The following CENPW variants were observed in gnomAD, a reference collection of about 807,000 sequenced individuals.
CENPW encodes the protein cancer-up-regulated gene 2 protein.
CENPW carries 3 observed loss-of-function variants against 11.1 expected under a neutral mutation model. The ratio of observed to expected loss-of-function variants is 0.27; its 90% CI spans 0.12 to 0.70. The LOEUF (loss-of-function observed/expected upper bound fraction) is 0.70. Ranked by LOEUF, CENPW falls within the 30% of genes least tolerant of loss-of-function variation. CENPW has a pLI of 0.77. For synonymous variants in CENPW, 38 were observed against 42.0 expected, an observed-to-expected ratio of 0.91 and a Z score of 0.37; for missense variants, 100 against 105.6, an observed-to-expected ratio of 0.95 and a Z score of 0.23.
At chr6:126,425,994 G>T in the CENPW span, among the ~76,000 whole-genome samples, 1 of 152,014 alleles carries the variant, frequency 6.6e-6, no homozygotes, top group African/African-American at 2.4e-5. Flanking sequence ...GTGCCACCCA[G>T]TTTCCTATAA....
chr6:126,381,280 C>T, the CENPW span, among the ~76,000 whole-genome samples: 1 of 152,166 alleles, frequency 6.6e-6, no homozygotes, highest in African/African-American at 2.4e-5. Context: ...GCATCTGAGT[C>T]ACTTCTGTTG....
the CENPW span, among the ~76,000 whole-genome samples, chr6:126,375,971 A>G: frequency 6.6e-6 from 1 of 152,168 alleles, no homozygotes; most frequent in African/African-American, 2.4e-5. Flanking sequence ...CCATCAACCT[A>G]GTTCTCATTA....
chr6:126,458,589 A>G, the CENPW span, among the ~76,000 whole-genome samples: 3 of 151,286 alleles, frequency 2.0e-5, no homozygotes, highest in Non-Finnish European at 4.4e-5. Flanking sequence ...TTGTGTACTG[A>G]GGAAGAAAAT....
the CENPW span, among the ~76,000 whole-genome samples, chr6:126,357,907 A>C: frequency 6.6e-6 from 1 of 152,086 alleles, no homozygotes; most frequent in African/African-American, 2.4e-5. Context: ...ACGCCTGGCC[A>C]GTTCTTCTTA....
the CENPW span, among the ~76,000 whole-genome samples, chr6:126,359,865 G>A: frequency 6.6e-6 from 1 of 151,584 alleles, no homozygotes; most frequent in African/African-American, 2.4e-5. Context: ...GCAGATAGTT[G>A]GGTCTTGTCA....
chr6:126,430,495 A>G, the CENPW span, among the ~76,000 whole-genome samples: 1 of 152,226 alleles, frequency 6.6e-6, no homozygotes, highest in Non-Finnish European at 1.5e-5. Context: ...TATACATTGA[A>G]CAAATGGAGC....
the CENPW span, among the ~76,000 whole-genome samples, chr6:126,386,538 C>T: frequency 2.2e-4 from 33 of 151,998 alleles, no homozygotes; most frequent in Admixed American, 1.2e-3. Flanking sequence ...ATGTACACTG[C>T]GCCTTCTGCC....
chr6:126,380,759 C>A, the CENPW span, among the ~76,000 whole-genome samples: 1 of 152,132 alleles, frequency 6.6e-6, no homozygotes, highest in African/African-American at 2.4e-5. Context: ...GACATGATAC[C>A]TGCATCATGA....
At chr6:126,433,121 C>A in the CENPW span, among the ~76,000 whole-genome samples, 77 of 152,188 alleles carry the variant, frequency 5.1e-4, no homozygotes, top group African/African-American at 1.7e-3. Flanking sequence ...CCATTGTCTT[C>A]AAAAATTTGT....
the CENPW span, among the ~76,000 whole-genome samples, chr6:126,416,423 G>T: frequency 2.6e-4 from 39 of 152,304 alleles, no homozygotes; most frequent in South Asian, 7.7e-3. Context: ...AGTCAAGCTG[G>T]CCGCAGAAAT....
chr6:126,358,224 C>A, the CENPW span, among the ~76,000 whole-genome samples: 1 of 152,134 alleles, frequency 6.6e-6, no homozygotes, highest in Non-Finnish European at 1.5e-5. Context: ...TTGCTCTGGT[C>A]AGGATTTCCA....
chr6:126,414,017 T>A, the CENPW span, among the ~76,000 whole-genome samples: 1 of 152,058 alleles, frequency 6.6e-6, no homozygotes, highest in Non-Finnish European at 1.5e-5. Flanking sequence ...CAAGAGTAGC[T>A]ACTATACTTA....
the CENPW span, among the ~76,000 whole-genome samples, chr6:126,464,659 C>T: frequency 6.6e-6 from 1 of 152,116 alleles, no homozygotes; most frequent in African/African-American, 2.4e-5. Flanking sequence ...GTCTCTTGGG[C>T]CTTTGGCCAC....
chr6:126,406,098 T>C, the CENPW span, among the ~76,000 whole-genome samples: 2 of 152,200 alleles, frequency 1.3e-5, no homozygotes, highest in African/African-American at 2.4e-5. Flanking sequence ...ATTTGTCATA[T>C]ACGTCCTTAA....
At chr6:126,376,058 G>T in the CENPW span, among the ~76,000 whole-genome samples, 1 of 152,072 alleles carries the variant, frequency 6.6e-6, no homozygotes. Context: ...TGACTTGCAC[G>T]TCCTGAAGAT....
At chr6:126,470,234 A>G in the CENPW span, among the ~76,000 whole-genome samples, 1 of 152,152 alleles carries the variant, frequency 6.6e-6, no homozygotes, top group Non-Finnish European at 1.5e-5. Context: ...GCAGCCTTGG[A>G]ACTTGGTGCC....
the CENPW span, among the ~76,000 whole-genome samples, chr6:126,387,450 A>C: frequency 6.6e-6 from 1 of 151,962 alleles, no homozygotes; most frequent in Non-Finnish European, 1.5e-5. Flanking sequence ...AAAAAGCCAT[A>C]GTAATATTTT....
rs759992998 is a variant in CENPW at position 126,340,451 on chromosome 6, G to A, written c.126+52G>A. 7.4e-6 allele frequency: 12 copies of A among 1,613,672 alleles called. No individual in the cohort carries two copies. The East Asian group carries it at 2.7e-4, about 36-fold the overall frequency. ...GGAATGGGGCACGGGAGAGGTAAGG[G>A]CAATAACCTTAAGCCTTTGTTTTTC... On this transcript the variant is annotated intron_variant, in intron 1 of 2. Transcript: ENST00000368328.
the CENPW span, among the ~76,000 whole-genome samples, chr6:126,400,378 T>C: frequency 1.3e-5 from 2 of 152,068 alleles, no homozygotes; most frequent in African/African-American, 2.4e-5. Context: ...TCTATTCAAG[T>C]TATCTGCCCA....
Sources: gnomAD v4.1 joint callset for allele counts (sites outside exome capture counted in the v4.1 genomes callset) on GRCh38, gnomAD v4.1.1 for gene constraint, MANE v1.5 for transcripts, NCBI Gene and HGNC (gene_info 2026-07-23, HGNC 2026-07-21) for gene names.